GRID2IP: variants seen among roughly 807,000 people sequenced by gnomAD.
GRID2IP encodes delphilin.
A neutral mutation model predicts 114.3 loss-of-function variants in GRID2IP; 78 were observed. The ratio of observed to expected loss-of-function variants is 0.68; its 90% CI spans 0.57 to 0.82. The LOEUF (loss-of-function observed/expected upper bound fraction) is 0.82. GRID2IP is among the 40% of genes least tolerant of loss of function. GRID2IP has a pLI of 0.00. For synonymous variants in GRID2IP, 809 were observed against 724.0 expected, an observed-to-expected ratio of 1.12 and a Z score of -1.89; for missense variants, 1,727 against 1,678.5, an observed-to-expected ratio of 1.03 and a Z score of -0.51.
intron 1 of GRID2IP, among the ~76,000 whole-genome samples, chr7:6,546,600 C>A (rs1417468586): frequency 6.6e-6 from 1 of 150,404 alleles, no homozygotes; most frequent in Non-Finnish European, 1.5e-5. Flanking sequence ...AGAAAACCAA[C>A]TGGGCTCCAC....
intron 8 of GRID2IP, 44 bp from the exon 9 acceptor site, chr7:6,511,083 C>A: frequency 1.5e-6 from 2 of 1,355,560 alleles, no homozygotes; most frequent in Non-Finnish European, 1.9e-6. Flanking sequence ...GCCCTCTCAG[C>A]CAGACAAGGG....
chr7:6,501,301 A>G (rs1786407605), intron 20 of GRID2IP, among the ~76,000 whole-genome samples: 1 of 152,180 alleles, frequency 6.6e-6, no homozygotes, highest in South Asian at 2.1e-4. Flanking sequence ...CAGTGAGCCA[A>G]GATCGTGCAA....
chr7:6,550,901 C>T lies in GRID2IP; in HGVS notation c.429+107G>A, dbSNP rs994781613. 10 of 1,168,238 alleles carry T rather than the reference C, an allele frequency of 8.6e-6. No homozygotes were observed. The African/African-American group carries it at 1.6e-4, about 19-fold the overall frequency. 72.4% of individuals were successfully genotyped at this position (1,168,238 alleles called of 1,614,324 possible). On this transcript the variant is annotated intron_variant, in intron 1 of 21. Transcript: ENST00000457091. Reference sequence around the variant, plus strand: ...CCCATATTTCTGTTAAATCTGACCCCAGAAGTTTCCTTACCTCTGGCCCTG... The same window carrying T: ...CCCATATTTCTGTTAAATCTGACCCTAGAAGTTTCCTTACCTCTGGCCCTG...
intron 2 of GRID2IP, among the ~76,000 whole-genome samples, chr7:6,530,444 T>C (rs1402464247): frequency 6.6e-6 from 1 of 151,786 alleles, no homozygotes; most frequent in East Asian, 1.9e-4. Context: ...TTTAAATTTT[T>C]AGTAGAGACG....
At chr7:6,524,332 G>A (rs1779465929) in intron 4 of GRID2IP, among the ~76,000 whole-genome samples, 1 of 152,238 alleles carries the variant, frequency 6.6e-6, no homozygotes. Context: ...CAATGGAGAT[G>A]TGTAACCAGG....
Position 6,551,189 on chromosome 7 carries a change from G to C in GRID2IP, c.248C>G (p.Pro83Arg), listed in dbSNP as rs1207540293. The change falls in exon 1 of 22, where the codon CCG becomes CGG. Residue 83 changes from proline to arginine, a missense_variant. Pro to Arg is a moderately radical substitution (Grantham distance 103, BLOSUM62 -2). Coordinates refer to ENST00000457091, the MANE Select transcript of GRID2IP (RefSeq NM_001145118.2). Reference protein sequence around the residue: ...PRVPPSLGVLPAPDGGPGPGS... With the variant: ...PRVPPSLGVLRAPDGGPGPGS... ...TGGGCCGGGGCCACCGTCGGGAGCC[G>C]GGAGCACGCCCAGACTGGGCGGCAC... 2.9e-6 allele frequency: 4 copies of C among 1,398,768 alleles called. No homozygotes were observed. The highest frequency in any genetic ancestry group is 3.7e-6 in the Non-Finnish European group (4 of 1,085,942). 86.6% of individuals were successfully genotyped at this position (1,398,768 alleles called of 1,614,324 possible).
chr7:6,541,144 C>A (rs1316854966), intron 1 of GRID2IP, among the ~76,000 whole-genome samples: 1 of 152,066 alleles, frequency 6.6e-6, no homozygotes, highest in Non-Finnish European at 1.5e-5. Flanking sequence ...CACGGCCTCC[C>A]AAGGTGCTGG....
Position 6,521,410 on chromosome 7 carries a change from G to T in GRID2IP, c.1084+19C>A. ...GGTCTCTGGGGGCCAAGGAAGCCAA[G>T]TGTCCATGGGGGTCTCACCACTGGC... is the stretch of plus-strand genomic sequence containing the variant. On this transcript the variant is annotated intron_variant, in intron 6 of 21. Coordinates refer to ENST00000457091, the MANE Select transcript of GRID2IP (RefSeq NM_001145118.2). The surrounding 1 kb of genome is among the most constrained non-coding windows in gnomAD (Gnocchi z 4.1). 6.6e-7 allele frequency: 1 copy of T among 1,506,998 alleles called. No individual in the cohort carries two copies. Among genetic ancestry groups the T allele is most frequent in the Non-Finnish European group, 8.9e-7 (1 of 1,120,454 alleles). The allele number at this position is 1,506,998 out of a possible 1,614,324, so 93.4% of individuals were successfully genotyped here.
At position 6,526,834 on chromosome 7, in the gene GRID2IP, C is replaced by T. The variant is rs996481207; in HGVS notation, c.585-65G>A. 3.6e-6 allele frequency: 5 copies of T among 1,402,410 alleles called. No homozygotes were observed. The African/African-American group carries it at 7.6e-5, about 21-fold the overall frequency. 86.9% of individuals were successfully genotyped at this position (1,402,410 alleles called of 1,614,324 possible). A position where few individuals can be genotyped will look rare whatever the true frequency, so the allele number is the denominator to read the frequency against. On this transcript the variant is annotated intron_variant, in intron 2 of 21. Transcript: ENST00000457091. This position sits in a 1 kb window ranked among gnomAD's most constrained non-coding sequence, Gnocchi z 7.6. ...CCCCGGATCTCTGCAAACCGCGGCC[C>T]GAAGGCGCGTCCTCGCGGGCGCCGC... is the stretch of plus-strand genomic sequence containing the variant.
rs1247780382 is a variant in GRID2IP at position 6,501,871 on chromosome 7, C to T, written c.3309G>A (p.Leu1103=). ...CGCTGATAGTGCCATGGAGGTCAGC[C>T]AGGTCACTGGTCAGGGCCCGTTGGT... is the stretch of plus-strand genomic sequence containing the variant. ...KVNQRALTSD[L]ADLHGTISEI... The change falls in exon 20 of 22, where the codon CTG becomes CTA. Residue 1103 remains leucine (L), a synonymous_variant. Coordinates refer to ENST00000457091, the MANE Select transcript of GRID2IP (RefSeq NM_001145118.2). The T allele has an allele frequency of 6.4e-7, 1 of 1,551,540 alleles. No homozygotes were observed. The highest frequency in any genetic ancestry group is 2.0e-5 in the Admixed American group (1 of 50,986).
chr7:6,508,199 G>T lies in GRID2IP; in HGVS notation c.2330C>A (p.Ser777Tyr). 1 of 1,388,028 alleles carries T rather than the reference G, an allele frequency of 7.2e-7. No homozygotes were observed. The allele number at this position is 1,388,028 out of a possible 1,614,324, so 86.0% of individuals were successfully genotyped here. The change falls in exon 13 of 22, where the codon TCC becomes TAC. Residue 777 changes from serine (S) to tyrosine (Y), a missense_variant. Physicochemically the swap from Ser to Tyr is moderately radical, Grantham distance 144 (BLOSUM62 -2). Coordinates refer to ENST00000457091, the MANE Select transcript of GRID2IP (RefSeq NM_001145118.2). This position sits in a 1 kb window ranked among gnomAD's most constrained non-coding sequence, Gnocchi z 5.6. ...GGCCAGCGCCTGAGCAGGGCCCCGG[G>T]AACCATCAGAGCTGCGGGAGCTGGG... is the stretch of plus-strand genomic sequence containing the variant. ...AKPSSRSSDG[S>Y]RGPAQALAKP...
At chr7:6,515,168 A>G (rs1419058064) in intron 7 of GRID2IP, among the ~76,000 whole-genome samples, 1 of 151,552 alleles carries the variant, frequency 6.6e-6, no homozygotes, top group Non-Finnish European at 1.5e-5. Flanking sequence ...GAAGATTAAA[A>G]CACACAGAGC....
At position 6,551,065 on chromosome 7, in the gene GRID2IP, C is replaced by T. The variant is rs542682507; in HGVS notation, c.372G>A (p.Lys124=). The change falls in exon 1 of 22, where the codon AAG becomes AAA. Residue 124 remains lysine (K), a synonymous_variant. Transcript: ENST00000457091. ...GRELLRLAGR[K]RPDAVHRERR... The stretch of plus-strand genomic sequence containing the variant: ...GCTCTCGGTGCACCGCGTCCGGGCG[C>T]TTGCGGCCGGCCAGGCGAAGCAGCT... 4 of 1,313,786 alleles carry T rather than the reference C, an allele frequency of 3.0e-6. No homozygotes were observed. The highest frequency in any genetic ancestry group is 3.1e-5 in the East Asian group (1 of 32,030). The allele number at this position is 1,313,786 out of a possible 1,614,324, so 81.4% of individuals were successfully genotyped here. A position where few individuals can be genotyped will look rare whatever the true frequency, so the allele number is the denominator to read the frequency against.
In GRID2IP at chr7:6,547,586, A is replaced by G. The variant is rs759212556; in HGVS notation, c.429+3422T>C. Among the ~76,000 whole-genome samples, 12 of 152,190 alleles carry G rather than the reference A, an allele frequency of 7.9e-5. No individual in the cohort carries two copies. In the South Asian group the frequency reaches 1.0e-3, roughly 13 times the overall value. On this transcript the variant is annotated intron_variant, in intron 1 of 21. Coordinates refer to ENST00000457091, the MANE Select transcript of GRID2IP (RefSeq NM_001145118.2). ...ATAAAAAATGTTGGGTTTGTTTGTTATAGCAGCAGAGCCTGTTGTGGGTAC... is the reference window on the plus strand; with the variant it reads ...ATAAAAAATGTTGGGTTTGTTTGTTGTAGCAGCAGAGCCTGTTGTGGGTAC...
In GRID2IP at chr7:6,508,132, G is replaced by A; in HGVS notation, c.2397C>T (p.Pro799=). ...GCACGGGTGGGGGCAGGGGCGGTGG[G>A]GGTGGTGGAGGGACTGGGTGGCTGA... The part of the protein sequence containing the change: ...TQLSHPVPPP[P]PPPLPPPVPC... The change falls in exon 13 of 22, where the codon CCC becomes CCT. Residue 799 remains proline (P), a synonymous_variant. Coordinates refer to ENST00000457091, the MANE Select transcript of GRID2IP (RefSeq NM_001145118.2). This position sits in a 1 kb window ranked among gnomAD's most constrained non-coding sequence, Gnocchi z 5.6. 6.6e-7 allele frequency: 1 copy of A among 1,509,192 alleles called. No individual in the cohort carries two copies. The highest frequency in any genetic ancestry group is 8.9e-7 in the Non-Finnish European group (1 of 1,128,118). 93.5% of individuals were successfully genotyped at this position (1,509,192 alleles called of 1,614,324 possible).
rs894028906 is a variant in GRID2IP, at chr7:6,508,679, G to A, written c.2128-278C>T. Among the ~76,000 whole-genome samples the A allele has an allele frequency of 1.8e-4, 28 of 152,120 alleles. No individual in the cohort carries two copies. Among genetic ancestry groups the A allele is most frequent in the Non-Finnish European group, 5.9e-5 (4 of 67,998 alleles). On this transcript the variant is annotated intron_variant, in intron 12 of 21. Transcript: ENST00000457091. This position sits in a 1 kb window ranked among gnomAD's most constrained non-coding sequence, Gnocchi z 5.6. The stretch of plus-strand genomic sequence containing the variant: ...TGGAATAAGGACAGGACCCTGTCAC[G>A]GGTTAGCCTCAGGCTGTGAGTGGGA...
At chr7:6,543,020 C>A (rs1779836447) in intron 1 of GRID2IP, among the ~76,000 whole-genome samples, 1 of 152,108 alleles carries the variant, frequency 6.6e-6, no homozygotes, top group Non-Finnish European at 1.5e-5. Flanking sequence ...CAGGCCCCGC[C>A]TCTCTCACCC....
chr7:6,539,702 C>G lies in GRID2IP; in HGVS notation c.584+16G>C. The G allele has an allele frequency of 3.9e-6, 6 of 1,539,794 alleles. No individual in the cohort carries two copies. The highest frequency in any genetic ancestry group is 5.3e-6 in the Non-Finnish European group (6 of 1,141,074). ...GACCCACCCTGCCTGTCTATCCTGC[C>G]CCCTGCCCGCAGTACCTGAGGTTGT... is the stretch of plus-strand genomic sequence containing the variant. On this transcript the variant is annotated intron_variant, in intron 2 of 21. Coordinates refer to ENST00000457091, the MANE Select transcript of GRID2IP (RefSeq NM_001145118.2).
chr7:6,504,661 C>T (rs1229658991), intron 15 of GRID2IP, 132 bp downstream of exon 15: 2 of 706,478 alleles, frequency 2.8e-6, no homozygotes, highest in Admixed American at 2.8e-5. Flanking sequence ...GGGAGGGGGC[C>T]TTCACCGCGC....
Sources: allele counts gnomAD v4.1 joint callset (sites outside exome capture counted in the v4.1 genomes callset), GRCh38; gene constraint gnomAD v4.1.1; non-coding constraint Gnocchi (gnomAD v3.1); transcripts MANE v1.5; gene names NCBI Gene and HGNC (gene_info 2026-07-23, HGNC 2026-07-21).